Variants in C16orf46 observed in about 807,000 individuals in gnomAD.
C16orf46 encodes the protein uncharacterized protein C16orf46.
C16orf46 carries 7 observed loss-of-function variants against 5.5 expected under a neutral mutation model. The ratio of observed to expected loss-of-function variants is 1.28; its 90% CI spans 0.73 to 2.40. The LOEUF is 2.40. Ranked by LOEUF, C16orf46 falls within the 30% of genes most tolerant of loss-of-function variation. C16orf46 has a pLI of 0.00. For synonymous variants in C16orf46, 200 were observed against 184.1 expected, an observed-to-expected ratio of 1.09 and a Z score of -0.70; for missense variants, 614 against 476.0, an observed-to-expected ratio of 1.29 and a Z score of -2.70.
chr16:81,070,124 C>CAA (rs945917743), intron 1 of C16orf46, among the ~76,000 whole-genome samples: 1 of 134,160 alleles, frequency 7.5e-6, no homozygotes. Context: ...GACTCCATCT[C>CAA]AAAAAAAAAA....
intron 1 of C16orf46, 111 bp downstream of exon 1, chr16:81,077,012 ATAGTGCCTCTGCC>A (rs1399920134): frequency 6.6e-6 from 1 of 152,432 alleles, no homozygotes; most frequent in African/African-American, 2.4e-5. Flanking sequence ...GCCCCGGCAC[ATAGTGCCTCTGCC>A]TTTCGCTCCC....
chr16:81,063,958 C>A lies in C16orf46; in HGVS notation c.-3G>T. 6.2e-7 allele frequency: 1 copy of A among 1,601,906 alleles called. No individual in the cohort carries two copies. Among genetic ancestry groups the A allele is most frequent in the East Asian group, 2.2e-5 (1 of 44,770 alleles). On this transcript the variant is annotated 5_prime_UTR_variant, in exon 3 of 4. Coordinates refer to ENST00000299578, the MANE Select transcript of C16orf46 (RefSeq NM_152337.3). ...TCATTTTTCTGACAGAGATCCATTA[C>A]TGTGATGCTTGCTTAAAGTTTTTAA...
chr16:81,055,886 T>A (rs1428402434), intron 3 of C16orf46: 1 of 152,000 alleles, frequency 6.6e-6, no homozygotes, highest in Non-Finnish European at 1.5e-5. Context: ...ACTGGCTAAT[T>A]TTTGTATTTT....
chr16:81,075,281 C>T (rs16954562), intron 1 of C16orf46, among the ~76,000 whole-genome samples: 4,524 of 151,634 alleles, frequency 0.03, 195 homozygotes, highest in African/African-American at 0.1. Flanking sequence ...CACCTATTGC[C>T]TAGATCAGGG....
chr16:81,057,324 G>A (rs543894019), downstream of C16orf46, among the ~76,000 whole-genome samples: 4 of 152,202 alleles, frequency 2.6e-5, no homozygotes, highest in South Asian at 2.1e-4. Context: ...CAAGGCGGGC[G>A]CATCATTTGA....
chr16:81,071,679 A>C (rs769568131), intron 1 of C16orf46, among the ~76,000 whole-genome samples: 5 of 152,088 alleles, frequency 3.3e-5, no homozygotes, highest in Non-Finnish European at 7.4e-5. Flanking sequence ...CCGGAGGGAG[A>C]TCTTGTCTCT....
intron 1 of C16orf46, among the ~76,000 whole-genome samples, chr16:81,070,410 G>A (rs967249608): frequency 6.6e-6 from 1 of 152,182 alleles, no homozygotes. Flanking sequence ...TAAAGCTACA[G>A]TAATCAAAGC....
At chr16:81,071,573 C>G (rs1971852385) in intron 1 of C16orf46, among the ~76,000 whole-genome samples, 1 of 151,980 alleles carries the variant, frequency 6.6e-6, no homozygotes, top group Admixed American at 6.6e-5. Flanking sequence ...ACAGAGATAC[C>G]CCATCACTAG....
intron 1 of C16orf46, chr16:81,076,805 C>T (rs958320448): frequency 6.6e-6 from 1 of 152,468 alleles, no homozygotes; most frequent in Non-Finnish European, 1.5e-5. Context: ...TCATCTAGCT[C>T]TTCCCCTTCC....
chr16:81,072,590 G>A (rs1040528500), intron 1 of C16orf46, among the ~76,000 whole-genome samples: 1 of 152,096 alleles, frequency 6.6e-6, no homozygotes, highest in Non-Finnish European at 1.5e-5. Flanking sequence ...CTTCATGTTG[G>A]TCAGGCTGGT....
exon 4 of C16orf46, chr16:81,053,858 G>C: frequency 2.0e-6 from 1 of 510,132 alleles, no homozygotes; most frequent in South Asian, 3.5e-5. Context: ...GGCCGGGTTG[G>C]GGAGACCTAA....
At chr16:81,076,458 C>G (rs542229932) in intron 1 of C16orf46, 1 of 152,308 alleles carries the variant, frequency 6.6e-6, no homozygotes, top group South Asian at 2.1e-4. Flanking sequence ...CAGAATGATG[C>G]CAAGGAGCGC....
intron 1 of C16orf46, among the ~76,000 whole-genome samples, chr16:81,074,920 T>A (rs1971978034): frequency 6.6e-6 from 1 of 152,212 alleles, no homozygotes; most frequent in South Asian, 2.1e-4. Context: ...CGTAGACAGT[T>A]CGCAACCTAA....
Position 81,061,693 on chromosome 16 carries a change from G to C in C16orf46, c.656C>G (p.Ser219Ter), listed in dbSNP as rs778851312. The C allele has an allele frequency of 6.2e-7, 1 of 1,614,036 alleles. No individual in the cohort carries two copies. Among genetic ancestry groups the C allele is most frequent in the South Asian group, 1.1e-5 (1 of 91,090 alleles). ...LVLPPLKASL[S>*]NALDVLGKKS... is the part of the protein sequence containing the mutation. ...CTTACCCAGAACATCCAAAGCATTT[G>C]AAAGTGAAGCCTTCAGGGGAGGCAG... Residue 219 changes from serine to a stop codon, truncating the protein, a stop_gained, in exon 4 of 4, where the codon TCA (serine) becomes TGA (stop). Coordinates refer to ENST00000299578, the MANE Select transcript of C16orf46 (RefSeq NM_152337.3). LOFTEE classifies it low-confidence loss of function (END_TRUNC).
intron 3 of C16orf46, among the ~76,000 whole-genome samples, chr16:81,063,243 A>AG (rs1971545464): frequency 8.0e-6 from 1 of 125,782 alleles, no homozygotes; most frequent in Middle Eastern, 3.6e-3. Flanking sequence ...ACTCCATCTC[A>AG]GGGAAAAAAA....
chr16:81,071,457 G>A (rs1971849540), intron 1 of C16orf46, among the ~76,000 whole-genome samples: 1 of 152,214 alleles, frequency 6.6e-6, no homozygotes, highest in Non-Finnish European at 1.5e-5. Context: ...GAAAAGAAAA[G>A]TCAGTGCAGG....
downstream of C16orf46, among the ~76,000 whole-genome samples, chr16:81,060,065 G>C (rs1971419405): frequency 6.6e-6 from 1 of 152,064 alleles, no homozygotes; most frequent in Non-Finnish European, 1.5e-5. Flanking sequence ...TGGGATTACA[G>C]GTGTGAGCCA....
At position 81,062,208 on chromosome 16, in the gene C16orf46, C is replaced by G. The variant is rs531128657; in HGVS notation, c.211-70G>C. 3.3e-4 allele frequency: 455 copies of G among 1,392,828 alleles called. 1 individual carries two copies. Among genetic ancestry groups the G allele is most frequent in the Middle Eastern group, 1.7e-3 (9 of 5,304 alleles). The allele number at this position is 1,392,828 out of a possible 1,614,324, so 86.3% of individuals were successfully genotyped here. A position where few individuals can be genotyped will look rare whatever the true frequency, so the allele number is the denominator to read the frequency against. On this transcript the variant is annotated intron_variant, in intron 3 of 3. Coordinates refer to ENST00000299578, the MANE Select transcript of C16orf46 (RefSeq NM_152337.3). ...ACTGTCCTTGCCCCAATTTTGGCCA[C>G]ATTCCCATTTTGGCAGTCTTATGTG...
intron 2 of C16orf46, among the ~76,000 whole-genome samples, 167 bp downstream of exon 2, chr16:81,066,026 C>CAAT (rs1971645188): frequency 6.6e-6 from 1 of 151,834 alleles, no homozygotes; most frequent in South Asian, 2.1e-4. Context: ...GCTGGGATTA[C>CAAT]GGGCGTGAGT....
Sources: gnomAD v4.1 joint callset for allele counts (sites outside exome capture counted in the v4.1 genomes callset) on GRCh38, gnomAD v4.1.1 for gene constraint, MANE v1.5 for transcripts, NCBI Gene and HGNC (gene_info 2026-07-23, HGNC 2026-07-21) for gene names.